The following ATOSA variants were observed in gnomAD, a reference collection of about 807,000 sequenced individuals.
ATOSA encodes the protein atos homolog protein A.
chr15:52,585,950 CTCA>C, the ATOSA span: 1 of 152,162 alleles, frequency 6.6e-6, no homozygotes, highest in Admixed American at 6.5e-5. Context: ...ACAACCACAC[CTCA>C]TAAGCCAGGA....
chr15:52,588,174 C>A, the ATOSA span, among the ~76,000 whole-genome samples: 2 of 152,152 alleles, frequency 1.3e-5, no homozygotes, highest in African/African-American at 2.4e-5. Flanking sequence ...GGCCTCTTCC[C>A]AGACCTTACA....
At chr15:52,592,244 G>A in the ATOSA span, among the ~76,000 whole-genome samples, 5 of 152,134 alleles carry the variant, frequency 3.3e-5, no homozygotes, top group African/African-American at 1.2e-4. Flanking sequence ...GGGCCAGATA[G>A]TAAGTTAGGA....
chr15:52,620,860 C>T, the ATOSA span, among the ~76,000 whole-genome samples: 2 of 152,250 alleles, frequency 1.3e-5, no homozygotes, highest in South Asian at 4.1e-4. Context: ...ATCACTTGAG[C>T]CTGGAGGTTG....
the ATOSA span, among the ~76,000 whole-genome samples, chr15:52,677,123 A>G: frequency 6.6e-6 from 1 of 152,228 alleles, no homozygotes; most frequent in African/African-American, 2.4e-5. Flanking sequence ...AAAAACAACC[A>G]GTTTAATATA....
At chr15:52,629,954 A>C in the ATOSA span, among the ~76,000 whole-genome samples, 1 of 152,220 alleles carries the variant, frequency 6.6e-6, no homozygotes, top group Non-Finnish European at 1.5e-5. Context: ...ACAAAAAACA[A>C]AAAATATTTG....
At chr15:52,613,915 T>C in the ATOSA span, 969 of 1,404,984 alleles carry the variant, frequency 6.9e-4, 3 homozygotes, top group Non-Finnish European at 8.3e-4. Context: ...TAAGAACTCA[T>C]CTGGTCTGCC....
the ATOSA span, among the ~76,000 whole-genome samples, chr15:52,669,617 C>T: frequency 6.6e-6 from 1 of 152,182 alleles, no homozygotes; most frequent in African/African-American, 2.4e-5. Flanking sequence ...CAGGAATATA[C>T]ATTTGGTTAA....
the ATOSA span, among the ~76,000 whole-genome samples, chr15:52,708,910 C>G: frequency 6.6e-5 from 10 of 152,224 alleles, no homozygotes; most frequent in South Asian, 2.1e-4. Flanking sequence ...GATGAAGTTT[C>G]TGACTTAACC....
At chr15:52,636,089 T>C in the ATOSA span, among the ~76,000 whole-genome samples, 1 of 144,222 alleles carries the variant, frequency 6.9e-6, no homozygotes, top group Non-Finnish European at 1.5e-5. Context: ...ATTAAAATAA[T>C]AAAATTAAAT....
At chr15:52,587,045 C>T in the ATOSA span, 3 of 1,580,072 alleles carry the variant, frequency 1.9e-6, no homozygotes, top group East Asian at 2.3e-5. Flanking sequence ...TGCAGCCCCA[C>T]TGTTACTTAC....
chr15:52,624,595 C>T, the ATOSA span, among the ~76,000 whole-genome samples: 1 of 152,132 alleles, frequency 6.6e-6, no homozygotes, highest in South Asian at 2.1e-4. Flanking sequence ...TGCAAATGAA[C>T]CACCTCAGGA....
chr15:52,630,728 A>G, the ATOSA span, among the ~76,000 whole-genome samples: 13 of 152,338 alleles, frequency 8.5e-5, no homozygotes, highest in East Asian at 2.5e-3. Context: ...AGACTAATAT[A>G]AGAATGTTCA....
chr15:52,664,377 C>A, the ATOSA span, among the ~76,000 whole-genome samples: 1 of 152,202 alleles, frequency 6.6e-6, no homozygotes, highest in African/African-American at 2.4e-5. Flanking sequence ...AACTTGTTTT[C>A]GTAGAAAGCT....
chr15:52,672,673 G>C, the ATOSA span, among the ~76,000 whole-genome samples: 1 of 152,176 alleles, frequency 6.6e-6, no homozygotes, highest in Non-Finnish European at 1.5e-5. Flanking sequence ...TCACAATGCA[G>C]AAGGCTCAGA....
At chr15:52,638,403 G>A in the ATOSA span, among the ~76,000 whole-genome samples, 1 of 152,062 alleles carries the variant, frequency 6.6e-6, no homozygotes, top group African/African-American at 2.4e-5. Context: ...GGGTGATGGT[G>A]TTAAAAAAGA....
chr15:52,672,899 A>T, the ATOSA span, among the ~76,000 whole-genome samples: 5 of 152,172 alleles, frequency 3.3e-5, no homozygotes, highest in African/African-American at 1.2e-4. Flanking sequence ...TAGTATCTGA[A>T]TCTCAGAAGT....
At chr15:52,628,365 T>G in the ATOSA span, among the ~76,000 whole-genome samples, 1 of 152,184 alleles carries the variant, frequency 6.6e-6, no homozygotes, top group African/African-American at 2.4e-5. Context: ...AAGAGAATTC[T>G]GGAAACACAG....
At chr15:52,687,162 T>C in the ATOSA span, among the ~76,000 whole-genome samples, 3 of 152,158 alleles carry the variant, frequency 2.0e-5, no homozygotes, top group African/African-American at 7.2e-5. Flanking sequence ...TCCCAGCACC[T>C]TGGGAGGCTG....
At chr15:52,608,065 T>A in the ATOSA span, among the ~76,000 whole-genome samples, 23 of 152,254 alleles carry the variant, frequency 1.5e-4, no homozygotes, top group African/African-American at 3.4e-4. Flanking sequence ...TTATTTATTT[T>A]TTTTTGTAGA....
Sources: allele counts gnomAD v4.1 joint callset (sites outside exome capture counted in the v4.1 genomes callset), GRCh38; gene constraint gnomAD v4.1.1; transcripts MANE v1.5; gene names NCBI Gene and HGNC (gene_info 2026-07-23, HGNC 2026-07-21).